The following ZFHX3 variants were observed in gnomAD, a reference collection of about 807,000 sequenced individuals.
ZFHX3 encodes the protein zinc finger homeobox protein 3.
A neutral mutation model predicts 279.1 loss-of-function variants in ZFHX3; 42 were observed. The observed-to-expected ratio is 0.15, with a 90% confidence interval of 0.12 to 0.19. The LOEUF (loss-of-function observed/expected upper bound fraction) is 0.19, where lower values mean the gene tolerates loss of function less well. Among genes scored for constraint, ZFHX3 ranks in the 10% least tolerant of loss-of-function variants. ZFHX3 has a pLI of 1.00. For synonymous variants in ZFHX3, 2,293 were observed against 1,957.8 expected (o/e 1.17, Z -4.52); for missense variants, 4,981 against 4,754.0 (o/e 1.05, Z -1.40).
intron 3 of ZFHX3, among the ~76,000 whole-genome samples, chr16:72,935,006 T>C (rs1960043033): frequency 1.3e-5 from 2 of 152,238 alleles, no homozygotes; most frequent in Admixed American, 6.5e-5. Flanking sequence ...CATCAGAATG[T>C]AGCACCTGCA....
At chr16:72,962,644 C>T (rs79023014) in intron 1 of ZFHX3, among the ~76,000 whole-genome samples, 2,744 of 152,264 alleles carry the variant, frequency 0.018, 92 homozygotes, top group African/African-American at 0.062. Flanking sequence ...TTATCCTCTC[C>T]GGGGAGCTTA....
intron 2 of ZFHX3, among the ~76,000 whole-genome samples, chr16:73,462,247 C>A (rs56226344): frequency 0.019 from 2,824 of 152,200 alleles, 39 homozygotes; most frequent in Non-Finnish European, 0.029. Context: ...ATTCTAAAAG[C>A]TTTGTCATTA....
exon 1 of ZFHX3, chr16:73,059,557 T>TCTCTCTCTCTCC (rs1965654635): frequency 1.4e-5 from 2 of 146,096 alleles, no homozygotes; most frequent in Admixed American, 1.4e-4. Flanking sequence ...TCTCTCTCTC[T>TCTCTCTCTCTCC]CTCTCTAAGC....
chr16:73,702,327 A>AGCCCC (rs1294749495), intron 1 of ZFHX3, among the ~76,000 whole-genome samples: 96 of 152,176 alleles, frequency 6.3e-4, no homozygotes, highest in African/African-American at 2.2e-3. Flanking sequence ...AGGTGTGGGG[A>AGCCCC]CATTTGATTG....
At chr16:73,752,814 A>G (rs1223626259) in intron 1 of ZFHX3, among the ~76,000 whole-genome samples, 2 of 152,144 alleles carry the variant, frequency 1.3e-5, no homozygotes, top group Admixed American at 1.3e-4. Flanking sequence ...ATCATCTCCC[A>G]GTACTCCCTA....
chr16:73,648,152 C>T (rs2052637669), intron 2 of ZFHX3, among the ~76,000 whole-genome samples: 2 of 152,162 alleles, frequency 1.3e-5, no homozygotes, highest in East Asian at 1.9e-4. Context: ...GGAATCTATA[C>T]TACAGAAACA....
chr16:73,569,204 A>T (rs1296609254), intron 2 of ZFHX3, among the ~76,000 whole-genome samples: 1 of 152,178 alleles, frequency 6.6e-6, no homozygotes, highest in African/African-American at 2.4e-5. Context: ...AATTCCTTTC[A>T]GACAGAAACC....
At chr16:73,274,424 G>C (rs751417713) in intron 4 of ZFHX3, among the ~76,000 whole-genome samples, 1 of 152,072 alleles carries the variant, frequency 6.6e-6, no homozygotes, top group East Asian at 1.9e-4. Context: ...GTTTTAGAAA[G>C]TGTGCCCTCT....
chr16:73,668,222 C>T (rs1399277455), intron 2 of ZFHX3, among the ~76,000 whole-genome samples: 2 of 151,770 alleles, frequency 1.3e-5, no homozygotes, highest in African/African-American at 4.8e-5. Context: ...TCCAGGAAGA[C>T]AAAGAAATGT....
chr16:73,358,458 C>T (rs922044176), intron 3 of ZFHX3, among the ~76,000 whole-genome samples: 3 of 152,292 alleles, frequency 2.0e-5, no homozygotes, highest in South Asian at 2.1e-4. Flanking sequence ...AATGACCCGG[C>T]GAGTGAGTTC....
chr16:72,944,890 T>C (rs1439808872), intron 3 of ZFHX3, among the ~76,000 whole-genome samples: 1 of 152,016 alleles, frequency 6.6e-6, no homozygotes, highest in Non-Finnish European at 1.5e-5. Flanking sequence ...AAAAAGAGAA[T>C]AAAAGTGCTA....
chr16:73,521,822 T>C (rs1042253473), intron 2 of ZFHX3, among the ~76,000 whole-genome samples: 1 of 152,180 alleles, frequency 6.6e-6, no homozygotes, highest in Non-Finnish European at 1.5e-5. Context: ...ACCACATTTT[T>C]TCACTTTTGC....
intron 1 of ZFHX3, among the ~76,000 whole-genome samples, chr16:73,834,759 C>T (rs535837931): frequency 2.4e-4 from 37 of 152,230 alleles, no homozygotes; most frequent in Middle Eastern, 3.4e-3. Context: ...GGCATGGTGG[C>T]GCATGCCTGT....
chr16:72,957,878 G>A lies in ZFHX3; in HGVS notation c.2268C>T (p.Asn756=), dbSNP rs751148708. 8.1e-6 allele frequency: 13 copies of A among 1,614,076 alleles called. No homozygotes were observed. Among genetic ancestry groups the A allele is most frequent in the Non-Finnish European group, 1.1e-5 (13 of 1,180,032 alleles). ...CCTGCTCCCCCCCTCCATTCTGCAGGTTCTGCATGTTGTTGAGATGCTTGT... is the reference window on the plus strand; with the variant it reads ...CCTGCTCCCCCCCTCCATTCTGCAGATTCTGCATGTTGTTGAGATGCTTGT... ...QSDKHLNNMQ[N]LQNGGGEQVF... is the part of the protein sequence containing the mutation. The change falls in exon 2 of 10, where the codon AAC becomes AAT. Residue 756 remains asparagine (N), a synonymous_variant. Coordinates refer to ENST00000268489, the MANE Select transcript of ZFHX3 (RefSeq NM_006885.4).
At chr16:73,162,711 C>A (rs1207238003) in intron 5 of ZFHX3, among the ~76,000 whole-genome samples, 4 of 152,142 alleles carry the variant, frequency 2.6e-5, no homozygotes, top group Non-Finnish European at 5.9e-5. Flanking sequence ...AATCTGCCCA[C>A]CGTGGCCTCC....
At chr16:73,559,009 C>CTGCTTCTCTGCTT (rs2020329965) in intron 2 of ZFHX3, among the ~76,000 whole-genome samples, 1 of 151,942 alleles carries the variant, frequency 6.6e-6, no homozygotes, top group South Asian at 2.1e-4. Flanking sequence ...GCCACCTCCT[C>CTGCTTCTCTGCTT]CTCTCCCTTC....
At chr16:73,830,703 A>C (rs1394788316) in intron 1 of ZFHX3, among the ~76,000 whole-genome samples, 1 of 152,230 alleles carries the variant, frequency 6.6e-6, no homozygotes, top group Non-Finnish European at 1.5e-5. Flanking sequence ...TTGGATCAAA[A>C]ATTCTAAATT....
At chr16:72,971,827 A>G (rs1405327903) in intron 1 of ZFHX3, among the ~76,000 whole-genome samples, 2 of 150,784 alleles carry the variant, frequency 1.3e-5, no homozygotes, top group Non-Finnish European at 2.9e-5. Context: ...GACAGAACCC[A>G]TCTATGGATA....
intron 3 of ZFHX3, among the ~76,000 whole-genome samples, chr16:72,906,270 G>A (rs2039169296): frequency 6.6e-6 from 1 of 151,980 alleles, no homozygotes; most frequent in Non-Finnish European, 1.5e-5. Flanking sequence ...TCACCAGCCA[G>A]TCCACACTGG....
Sources: gnomAD v4.1 joint callset for allele counts (sites outside exome capture counted in the v4.1 genomes callset) on GRCh38, gnomAD v4.1.1 for gene constraint, MANE v1.5 for transcripts, NCBI Gene and HGNC (gene_info 2026-07-23, HGNC 2026-07-21) for gene names.